LAMA2: variants seen among roughly 807,000 people sequenced by gnomAD.
LAMA2 encodes laminin subunit alpha-2.
A neutral mutation model predicts 364.8 loss-of-function variants in LAMA2; 269 were observed. The ratio of observed to expected loss-of-function variants is 0.74; its 90% CI spans 0.67 to 0.82. The LOEUF is 0.82. Among genes scored for constraint, LAMA2 ranks in the 40% least tolerant of loss-of-function variants. The pLI is 0.00. For synonymous variants in LAMA2, 1,379 were observed against 1,370.6 expected (o/e 1.01, Z -0.14); for missense variants, 3,807 against 3,873.2 (o/e 0.98, Z 0.45).
chr6:129,084,270 A>T (rs1774241412), intron 3 of LAMA2, among the ~76,000 whole-genome samples: 1 of 152,264 alleles, frequency 6.6e-6, no homozygotes, highest in African/African-American at 2.4e-5. Flanking sequence ...CCCCATTTGA[A>T]TGTTCTCTTT....
chr6:128,907,637 G>C (rs1159818201), intron 1 of LAMA2, among the ~76,000 whole-genome samples: 3 of 151,976 alleles, frequency 2.0e-5, no homozygotes, highest in African/African-American at 7.3e-5. Flanking sequence ...TCCTTCTCCT[G>C]CCTAATTGCC....
intron 1 of LAMA2, among the ~76,000 whole-genome samples, chr6:128,922,729 C>A (rs1435153319): frequency 2.6e-5 from 4 of 151,928 alleles, no homozygotes; most frequent in South Asian, 2.1e-4. Flanking sequence ...CCCATTTGTC[C>A]ATTTTGGCTT....
intron 12 of LAMA2, among the ~76,000 whole-genome samples, chr6:129,205,411 GAAAAA>G (rs1311377026): frequency 7.2e-6 from 1 of 138,678 alleles, no homozygotes; most frequent in Non-Finnish European, 1.6e-5. Context: ...AAAGAAAAAA[GAAAAA>G]AAAATCCAAA....
At chr6:129,105,289 A>G (rs2114887717) in intron 4 of LAMA2, among the ~76,000 whole-genome samples, 1 of 152,276 alleles carries the variant, frequency 6.6e-6, no homozygotes, top group Non-Finnish European at 1.5e-5. Context: ...CAAGCCATCG[A>G]GAGCTACTAT....
chr6:129,165,447 T>C, intron 8 of LAMA2, 129 bp from the exon 9 acceptor site: 2 of 622,058 alleles, frequency 3.2e-6, no homozygotes, highest in Admixed American at 2.7e-5. Flanking sequence ...TAAAGGTAAT[T>C]CTTATAGTTT....
At chr6:128,943,590 AC>A (rs1780309747) in intron 1 of LAMA2, among the ~76,000 whole-genome samples, 2 of 152,160 alleles carry the variant, frequency 1.3e-5, no homozygotes, top group African/African-American at 4.8e-5. Context: ...ACCTTGCCTG[AC>A]CATCGTCCAT....
chr6:128,925,807 T>G (rs561163058), intron 1 of LAMA2, among the ~76,000 whole-genome samples: 1 of 152,000 alleles, frequency 6.6e-6, no homozygotes, highest in South Asian at 2.1e-4. Flanking sequence ...TATGGTTTAT[T>G]CTTTGATTCA....
At chr6:129,029,494 C>T (rs575536616) in intron 1 of LAMA2, among the ~76,000 whole-genome samples, 8 of 151,950 alleles carry the variant, frequency 5.3e-5, no homozygotes, top group East Asian at 1.9e-4. Context: ...GGACATCTTA[C>T]TTATAGTCAG....
At chr6:129,033,895 GT>G (rs10686168) in intron 1 of LAMA2, among the ~76,000 whole-genome samples, 3,773 of 147,218 alleles carry the variant, frequency 0.026, 144 homozygotes, top group African/African-American at 0.089. Flanking sequence ...CCAGCTATGG[GT>G]TTTTTTTTTT....
At chr6:129,316,722 A>G (rs964712151) in intron 27 of LAMA2, among the ~76,000 whole-genome samples, 2 of 152,240 alleles carry the variant, frequency 1.3e-5, no homozygotes, top group Non-Finnish European at 1.5e-5. Context: ...CATGATGGGA[A>G]TACTTCAAGG....
intron 3 of LAMA2, among the ~76,000 whole-genome samples, chr6:129,088,763 G>C (rs561927090): frequency 6.6e-6 from 1 of 152,056 alleles, no homozygotes; most frequent in Non-Finnish European, 1.5e-5. Flanking sequence ...CGCAGCGGCC[G>C]GGCAGAGACG....
At chr6:129,064,304 C>A (rs781251110) in intron 3 of LAMA2, among the ~76,000 whole-genome samples, 3 of 149,108 alleles carry the variant, frequency 2.0e-5, no homozygotes, top group Non-Finnish European at 4.5e-5. Flanking sequence ...GTAATAAATA[C>A]CTACGTCAAA....
At chr6:129,168,936 G>A (rs1156987653) in intron 9 of LAMA2, among the ~76,000 whole-genome samples, 4 of 151,646 alleles carry the variant, frequency 2.6e-5, no homozygotes, top group Non-Finnish European at 2.9e-5. Flanking sequence ...AATTGTGAAT[G>A]GGAGTTCACT....
chr6:129,200,420 GTGTATATGTGTACACATATACATATA>G (rs1243645844), intron 12 of LAMA2, among the ~76,000 whole-genome samples: 4 of 146,058 alleles, frequency 2.7e-5, no homozygotes, highest in Non-Finnish European at 6.0e-5. Context: ...ATACATATAC[GTGTATATGTGTACACATATACATATA>G]TGTATATATA....
intron 15 of LAMA2, among the ~76,000 whole-genome samples, chr6:129,266,709 G>A (rs968731164): frequency 3.9e-5 from 6 of 152,060 alleles, no homozygotes; most frequent in African/African-American, 9.7e-5. Flanking sequence ...GGATGACATC[G>A]GGTACTCTCT....
intron 29 of LAMA2, among the ~76,000 whole-genome samples, chr6:129,332,137 T>C (rs1180721097): frequency 2.0e-5 from 3 of 152,232 alleles, no homozygotes; most frequent in South Asian, 2.1e-4. Flanking sequence ...GATATTGACA[T>C]CCCACAGTAT....
At chr6:129,387,731 T>A (rs1036451025) in intron 35 of LAMA2, among the ~76,000 whole-genome samples, 16 of 152,202 alleles carry the variant, frequency 1.1e-4, no homozygotes, top group Non-Finnish European at 1.5e-5. Context: ...TAAAAAAGAA[T>A]GATATCATGT....
At chr6:128,963,129 T>A (rs1781631335) in intron 1 of LAMA2, among the ~76,000 whole-genome samples, 1 of 152,116 alleles carries the variant, frequency 6.6e-6, no homozygotes, top group South Asian at 2.1e-4. Flanking sequence ...ATCTGGTGTA[T>A]CTCTGAAGTG....
At chr6:129,441,145 T>G (rs1171590847) in intron 43 of LAMA2, 147 bp downstream of exon 43, 1 of 753,360 alleles carries the variant, frequency 1.3e-6, no homozygotes, top group Non-Finnish European at 2.3e-6. Flanking sequence ...AGAAATTGAG[T>G]GTCATGCAGT....
Sources: allele counts gnomAD v4.1 joint callset (sites outside exome capture counted in the v4.1 genomes callset), GRCh38; gene constraint gnomAD v4.1.1; transcripts MANE v1.5; gene names NCBI Gene and HGNC (gene_info 2026-07-23, HGNC 2026-07-21).